Variants in RHOH observed in about 807,000 individuals in gnomAD.
RHOH encodes ras homolog family member H, also known as rho-related GTP-binding protein RhoH.
A neutral mutation model predicts 13.8 loss-of-function variants in RHOH; 6 were observed. The observed-to-expected ratio is 0.44, with a 90% CI of 0.24 to 0.86. The LOEUF (loss-of-function observed/expected upper bound fraction) is 0.86. Among genes scored for constraint, RHOH ranks in the 40% least tolerant of loss-of-function variants. The pLI is 0.24. For synonymous variants in RHOH, 117 were observed against 103.0 expected (o/e 1.14, Z -0.82); for missense variants, 147 against 244.5 (o/e 0.60, Z 2.66).
At chr4:40,201,441 C>T (rs907507311) in intron 1 of RHOH, among the ~76,000 whole-genome samples, 1 of 151,746 alleles carries the variant, frequency 6.6e-6, no homozygotes, top group African/African-American at 2.4e-5. Context: ...CCGGCTTGCT[C>T]TCAAGTGCTG....
rs371722683 is a variant in RHOH at position 40,243,884 on chromosome 4, C to T, written c.498C>T (p.Ala166=). 69 of 1,614,012 alleles carry T rather than the reference C, an allele frequency of 4.3e-5. No individual in the cohort carries two copies. Among genetic ancestry groups the T allele is most frequent in the Admixed American group, 5.0e-5 (3 of 60,006 alleles). ...GAGTACAGCAGGTGTTTGAGTGCGC[C>T]GTCCGAACTGCCGTCAACCAGGCCA... ...NRGVQQVFEC[A]VRTAVNQARR... Residue 166 remains alanine (A), a synonymous_variant, in exon 3 of 3, where the codon GCC becomes GCT. Coordinates refer to ENST00000381799, the MANE Select transcript of RHOH (RefSeq NM_004310.5). This position sits in a 1 kb window ranked among gnomAD's most constrained non-coding sequence, Gnocchi z 6.2.
upstream of RHOH, among the ~76,000 whole-genome samples, chr4:40,192,219 G>A (rs1466984747): frequency 6.6e-6 from 1 of 152,110 alleles, no homozygotes; most frequent in Non-Finnish European, 1.5e-5. Flanking sequence ...ACGACTAATG[G>A]CCTGAGTTTG....
At chr4:40,241,884 T>C (rs1233238302) in intron 1 of RHOH, among the ~76,000 whole-genome samples, 1 of 152,166 alleles carries the variant, frequency 6.6e-6, no homozygotes, top group East Asian at 1.9e-4. Flanking sequence ...AGCGAGATCC[T>C]GTCTCAGAAA....
upstream of RHOH, among the ~76,000 whole-genome samples, chr4:40,192,690 G>GT (rs1166379189): frequency 4.6e-5 from 7 of 152,206 alleles, no homozygotes; most frequent in Admixed American, 4.6e-4. Context: ...TTTTGAGAAA[G>GT]TAAGTCTTTG....
rs759847057 is a variant in RHOH, at chr4:40,243,679, G to C, written c.293G>C (p.Trp98Ser). ...TCATTCCTGAACTTGAAGAACAAGT[G>C]GATTGGTGAAATTAGGAGCAACTTG... ...HNSFLNLKNK[W>S]IGEIRSNLPC... The change falls in exon 3 of 3, where the codon TGG becomes TCG. Residue 98 changes from tryptophan to serine, a missense_variant. Physicochemically the swap from Trp to Ser is radical, Grantham distance 177 (BLOSUM62 -3). Coordinates refer to ENST00000381799, the MANE Select transcript of RHOH (RefSeq NM_004310.5). This position sits in a 1 kb window ranked among gnomAD's most constrained non-coding sequence, Gnocchi z 6.2. 6.2e-7 allele frequency: 1 copy of C among 1,614,188 alleles called. No homozygotes were observed. The highest frequency in any genetic ancestry group is 8.5e-7 in the Non-Finnish European group (1 of 1,180,036).
At chr4:40,209,763 A>G (rs2109395128) in intron 1 of RHOH, 1 of 152,346 alleles carries the variant, frequency 6.6e-6, no homozygotes, top group African/African-American at 2.4e-5. Flanking sequence ...TAAGAAGCAC[A>G]TTTTCCTTAT....
intron 1 of RHOH, among the ~76,000 whole-genome samples, chr4:40,213,098 C>T (rs1725458029): frequency 6.6e-6 from 1 of 152,104 alleles, no homozygotes; most frequent in Non-Finnish European, 1.5e-5. Context: ...GCAGAGATGA[C>T]TCATGGTTGG....
At position 40,244,057 on chromosome 4, in the gene RHOH, T is replaced by G; in HGVS notation, c.*95T>G. The stretch of plus-strand genomic sequence containing the variant: ...AGCCAGGAAAGCTTGGTGTTTTCTC[T>G]GGGTACACCCCAAGCAGCGTCTCCT... On this transcript the variant is annotated 3_prime_UTR_variant, in exon 3 of 3. Coordinates refer to ENST00000381799, the MANE Select transcript of RHOH (RefSeq NM_004310.5). The G allele has an allele frequency of 1.0e-6, 1 of 998,684 alleles. No homozygotes were observed. The highest frequency in any genetic ancestry group is 1.5e-6 in the Non-Finnish European group (1 of 681,804). The allele number at this position is 998,684 out of a possible 1,614,324, so 61.9% of individuals were successfully genotyped here.
chr4:40,232,635 G>C (rs933124065), intron 1 of RHOH, among the ~76,000 whole-genome samples: 97 of 152,190 alleles, frequency 6.4e-4, no homozygotes, highest in African/African-American at 2.1e-3. Flanking sequence ...GGAGCTAATA[G>C]TGTGCTGTGG....
In RHOH at chr4:40,210,601, CTTA is replaced by C. The variant is rs530630219; in HGVS notation, c.-331+13308_-331+13310del. Among the ~76,000 whole-genome samples the C allele has an allele frequency of 2.6e-4, 38 of 144,838 alleles. No individual in the cohort carries two copies. In the South Asian group the frequency reaches 8.5e-3, roughly 32 times the overall value. On this transcript the variant is annotated intron_variant, in intron 1 of 2. Transcript: ENST00000381799. ...GTGAAGGTGGGAAACAGGAAATAGA[CTTA>C]TTATTAACAATTCCCTTAGAGCATA...
chr4:40,238,520 G>T (rs1728858396), intron 1 of RHOH, among the ~76,000 whole-genome samples: 1 of 152,140 alleles, frequency 6.6e-6, no homozygotes, highest in African/African-American at 2.4e-5. Flanking sequence ...TGGGCAGAAG[G>T]GCCCAACTCT....
rs2109339472 is a variant in RHOH at position 40,197,248 on chromosome 4, T to C, written c.-383T>C. The C allele has an allele frequency of 6.6e-6, 1 of 152,378 alleles. No individual in the cohort carries two copies. Among genetic ancestry groups the C allele is most frequent in the Admixed American group, 6.5e-5 (1 of 15,312 alleles). The allele number at this position is 152,378 out of a possible 1,614,324, so 9.4% of individuals were successfully genotyped here. A position where few individuals can be genotyped will look rare whatever the true frequency, so the allele number is the denominator to read the frequency against. On this transcript the variant is annotated 5_prime_UTR_variant, in exon 1 of 3. Transcript: ENST00000381799. ...CCTGCTTTTGTTGAACAAATTTGATTTCCGGAGTCAGTCATTTTACTGTCA... is the reference window on the plus strand; with the variant it reads ...CCTGCTTTTGTTGAACAAATTTGATCTCCGGAGTCAGTCATTTTACTGTCA...
At chr4:40,195,118 G>A (rs1373185627), upstream of RHOH, among the ~76,000 whole-genome samples, 1 of 152,126 alleles carries the variant, frequency 6.6e-6, no homozygotes, top group Non-Finnish European at 1.5e-5. Flanking sequence ...CTCACCCCCA[G>A]TTTTAGTGTC....
At position 40,246,840 on chromosome 4, in the gene RHOH, T is replaced by A. The variant is rs2109605684; in HGVS notation, c.*2878T>A. 1 of 152,376 alleles carries A rather than the reference T, an allele frequency of 6.6e-6. No homozygotes were observed. The highest frequency in any genetic ancestry group is 6.5e-5 in the Admixed American group (1 of 15,304). The allele number at this position is 152,376 out of a possible 1,614,324, so 9.4% of individuals were successfully genotyped here. On this transcript the variant is annotated 3_prime_UTR_variant, in exon 3 of 3. Transcript: ENST00000381799. ...ACATACTTACTTTTGCCTGCCTAGA[T>A]GCAGACACAGGTTTCTTATACTTCA... is the stretch of plus-strand genomic sequence containing the variant.
At chr4:40,219,533 T>A (rs1293609000) in intron 1 of RHOH, among the ~76,000 whole-genome samples, 2 of 152,076 alleles carry the variant, frequency 1.3e-5, no homozygotes, top group Non-Finnish European at 2.9e-5. Flanking sequence ...AGTCTGATGG[T>A]TGCGTCTGGG....
chr4:40,214,234 A>G (rs1725623546), intron 1 of RHOH, among the ~76,000 whole-genome samples: 1 of 152,190 alleles, frequency 6.6e-6, no homozygotes, highest in South Asian at 2.1e-4. Flanking sequence ...TTTGCACAGT[A>G]TACGAGAAGG....
chr4:40,223,226 G>T (rs897964772), intron 1 of RHOH, among the ~76,000 whole-genome samples: 1 of 152,212 alleles, frequency 6.6e-6, no homozygotes, highest in African/African-American at 2.4e-5. Flanking sequence ...CAGTGGCAGG[G>T]TTTGAGAGGA....
rs570746862 is a variant in RHOH, at chr4:40,201,072, C to T, written c.-331+3772C>T. On this transcript the variant is annotated intron_variant, in intron 1 of 2. Coordinates refer to ENST00000381799, the MANE Select transcript of RHOH (RefSeq NM_004310.5). ...GAGAGTGGTTAAGAAACAGAAGATA[C>T]GGTTCTCATCACATTTGCCTGAGAA... Among the ~76,000 whole-genome samples the T allele has an allele frequency of 6.6e-5, 10 of 152,280 alleles. No homozygotes were observed. In the South Asian group the frequency reaches 1.7e-3, roughly 25 times the overall value.
intron 1 of RHOH, among the ~76,000 whole-genome samples, chr4:40,239,802 C>T (rs557551002): frequency 1.1e-4 from 17 of 152,024 alleles, no homozygotes; most frequent in East Asian, 3.9e-4. Flanking sequence ...CACTTGAACC[C>T]GGGAGTTGGA....
Sources: gnomAD v4.1 joint callset for allele counts (sites outside exome capture counted in the v4.1 genomes callset) on GRCh38, gnomAD v4.1.1 for gene constraint, Gnocchi (gnomAD v3.1) non-coding constraint, MANE v1.5 for transcripts, NCBI Gene and HGNC (gene_info 2026-07-23, HGNC 2026-07-21) for gene names.